Variants in FOXP1 observed in about 807,000 individuals in gnomAD.
The protein encoded by FOXP1 is forkhead box protein P1.
A neutral mutation model predicts 98.2 loss-of-function variants in FOXP1; 15 were observed. That is an observed-to-expected ratio of 0.15 (90% CI 0.10 to 0.24). The LOEUF (loss-of-function observed/expected upper bound fraction) is 0.24, where lower values mean the gene tolerates loss of function less well. Among genes scored for constraint, FOXP1 ranks in the 10% least tolerant of loss-of-function variants. The pLI, the probability that FOXP1 is intolerant of heterozygous loss-of-function variation, is 1.00. For synonymous variants in FOXP1, 371 were observed against 314.5 expected, an observed-to-expected ratio of 1.18 and a Z score of -1.90; for missense variants, 633 against 848.5, an observed-to-expected ratio of 0.75 and a Z score of 3.15.
intron 3 of FOXP1, among the ~76,000 whole-genome samples, chr3:71,467,364 G>A (rs1011293269): frequency 1.3e-5 from 2 of 152,208 alleles, no homozygotes; most frequent in Non-Finnish European, 2.9e-5. Context: ...GATTGGATGG[G>A]TAGATGGATG....
intron 8 of FOXP1, 114 bp from the exon 9 acceptor site, chr3:71,052,740 C>A (rs902931002): frequency 9.5e-6 from 7 of 738,814 alleles, no homozygotes; most frequent in Non-Finnish European, 1.7e-5. Context: ...TCTGTAATGG[C>A]CTGACCTTTA....
intron 5 of FOXP1, among the ~76,000 whole-genome samples, chr3:71,234,906 G>A (rs2066647116): frequency 6.6e-6 from 1 of 152,178 alleles, no homozygotes; most frequent in Admixed American, 6.5e-5. Context: ...AAAATTTTAA[G>A]CACTTAACAA....
At chr3:71,054,918 T>C (rs1346872310) in intron 7 of FOXP1, among the ~76,000 whole-genome samples, 3 of 152,154 alleles carry the variant, frequency 2.0e-5, no homozygotes, top group Non-Finnish European at 4.4e-5. Context: ...TGCTGTCATC[T>C]CATGTATTAC....
intron 3 of FOXP1, among the ~76,000 whole-genome samples, chr3:71,375,218 A>G (rs2108011348): frequency 6.6e-6 from 1 of 152,332 alleles, no homozygotes; most frequent in South Asian, 2.1e-4. Flanking sequence ...AGAGCTTCTG[A>G]TATCTATATG....
intron 4 of FOXP1, among the ~76,000 whole-genome samples, chr3:71,331,033 G>A (rs921015502): frequency 1.1e-4 from 16 of 152,350 alleles, no homozygotes; most frequent in African/African-American, 1.9e-4. Flanking sequence ...CACTCTGGCC[G>A]CGCTTGAGGG....
intron 10 of FOXP1, among the ~76,000 whole-genome samples, chr3:71,043,794 AAAGT>A (rs781230236): frequency 2.6e-5 from 4 of 152,218 alleles, no homozygotes; most frequent in Admixed American, 2.6e-4. Context: ...TGCTGTTTTA[AAAGT>A]AAGCTGTTTA....
chr3:71,111,700 CAAATTA>C (rs1262288056), intron 7 of FOXP1, among the ~76,000 whole-genome samples: 1 of 152,088 alleles, frequency 6.6e-6, no homozygotes, highest in Non-Finnish European at 1.5e-5. Context: ...TGCCTGGCCC[CAAATTA>C]GATTTTTATA....
At chr3:70,967,700 G>T (rs9871525) in intron 19 of FOXP1, among the ~76,000 whole-genome samples, 8,592 of 60,384 alleles carry the variant, frequency 0.14, 39 homozygotes, top group Middle Eastern at 0.22. Context: ...TTTTTTTTTT[G>T]TTTTTTTTTG....
At position 71,538,556 on chromosome 3, in the gene FOXP1, C is replaced by T. The variant is rs566614581; in HGVS notation, c.-298+42993G>A. ...ACATTCATCACATTTTGTTGATCCA[C>T]CAGTTGATAGACATCTGAGTTGTCT... On this transcript the variant is annotated intron_variant, in intron 2 of 20. Coordinates refer to ENST00000649528, the MANE Select transcript of FOXP1 (RefSeq NM_001349338.3). Among the ~76,000 whole-genome samples, 12 of 152,350 alleles carry T rather than the reference C, an allele frequency of 7.9e-5. No individual in the cohort carries two copies. The South Asian group carries it at 2.5e-3, about 32-fold the overall frequency.
At chr3:71,298,025 T>C (rs17655393) in intron 5 of FOXP1, among the ~76,000 whole-genome samples, 2 of 152,010 alleles carry the variant, frequency 1.3e-5, no homozygotes, top group African/African-American at 4.8e-5. Flanking sequence ...TGTGAGATTA[T>C]AGAGACCAGG....
intron 7 of FOXP1, among the ~76,000 whole-genome samples, chr3:71,055,259 A>G (rs1340622535): frequency 6.6e-6 from 1 of 152,178 alleles, no homozygotes; most frequent in Non-Finnish European, 1.5e-5. Flanking sequence ...TGCACAGCGA[A>G]TGTTCTCCAC....
At chr3:71,304,678 C>T (rs2074129456) in intron 4 of FOXP1, 1 of 152,148 alleles carries the variant, frequency 6.6e-6, no homozygotes, top group Non-Finnish European at 1.5e-5. Context: ...CATATACTTA[C>T]AATTAGATAG....
At chr3:71,432,832 A>G (rs2084846098) in intron 3 of FOXP1, among the ~76,000 whole-genome samples, 1 of 150,732 alleles carries the variant, frequency 6.6e-6, no homozygotes, top group Non-Finnish European at 1.5e-5. Context: ...CACTGACAGG[A>G]AATGTGAACA....
chr3:71,347,948 G>A (rs1338776636), intron 4 of FOXP1, among the ~76,000 whole-genome samples: 1 of 151,808 alleles, frequency 6.6e-6, no homozygotes, highest in African/African-American at 2.4e-5. Context: ...AGCCCCGGTG[G>A]ATGCCCAAAA....
intron 7 of FOXP1, among the ~76,000 whole-genome samples, chr3:71,105,904 T>C (rs1200001874): frequency 6.6e-6 from 1 of 152,192 alleles, no homozygotes; most frequent in Non-Finnish European, 1.5e-5. Context: ...GCTGTCTTTT[T>C]TTTGCTTATA....
At chr3:71,138,027 T>G (rs937989161) in intron 6 of FOXP1, among the ~76,000 whole-genome samples, 6 of 152,178 alleles carry the variant, frequency 3.9e-5, no homozygotes, top group African/African-American at 1.4e-4. Flanking sequence ...CTTGGAACTG[T>G]GGAGAGCCTC....
intron 4 of FOXP1, among the ~76,000 whole-genome samples, chr3:71,308,208 T>G (rs1205119458): frequency 1.3e-5 from 2 of 152,026 alleles, no homozygotes; most frequent in African/African-American, 4.8e-5. Context: ...GGTGTACAGT[T>G]TCAAAGGCTG....
At chr3:71,548,207 G>A (rs2045510869) in intron 2 of FOXP1, among the ~76,000 whole-genome samples, 1 of 152,144 alleles carries the variant, frequency 6.6e-6, no homozygotes, top group African/African-American at 2.4e-5. Context: ...CCATTAATGT[G>A]GGTGTTTTAA....
At chr3:71,546,720 C>T (rs1228023810) in intron 2 of FOXP1, among the ~76,000 whole-genome samples, 1 of 152,094 alleles carries the variant, frequency 6.6e-6, no homozygotes, top group East Asian at 1.9e-4. Context: ...TTGCTCATTT[C>T]TAAGAGGCTC....
Sources: gnomAD v4.1 joint callset for allele counts (sites outside exome capture counted in the v4.1 genomes callset) on GRCh38, gnomAD v4.1.1 for gene constraint, MANE v1.5 for transcripts, NCBI Gene and HGNC (gene_info 2026-07-23, HGNC 2026-07-21) for gene names.